Variants in ZNF333 observed in about 807,000 individuals in gnomAD.
The protein encoded by ZNF333 is zinc finger protein 333.
A neutral mutation model predicts 76.1 loss-of-function variants in ZNF333; 61 were observed. The ratio of observed to expected loss-of-function variants is 0.80; its 90% CI spans 0.65 to 0.99. ZNF333 has a LOEUF of 0.99. Ranked by LOEUF, ZNF333 falls within the 50% of genes least tolerant of loss-of-function variation. The pLI is 0.00. For synonymous variants in ZNF333, 284 were observed against 305.0 expected (o/e 0.93, Z 0.72); for missense variants, 717 against 822.4 (o/e 0.87, Z 1.57).
In ZNF333 at chr19:14,719,589, G is replaced by A. The variant is rs2042544517; in HGVS notation, c.*264G>A. The A allele has an allele frequency of 1.3e-5, 15 of 1,137,380 alleles. No individual in the cohort carries two copies. The South Asian group carries it at 3.3e-4, about 25-fold the overall frequency. The allele number at this position is 1,137,380 out of a possible 1,614,324, so 70.5% of individuals were successfully genotyped here. Reference sequence around the variant, plus strand: ...CTGAAGTGTACAGTTGGATGAGTTTGACAGATGCATACATGCATGTAACCA... The same window carrying A: ...CTGAAGTGTACAGTTGGATGAGTTTAACAGATGCATACATGCATGTAACCA... On this transcript the variant is annotated 3_prime_UTR_variant, in exon 12 of 12. Coordinates refer to ENST00000292530, the MANE Select transcript of ZNF333 (RefSeq NM_032433.4).
chr19:14,701,544 A>G (rs3850143), intron 5 of ZNF333: 520,970 of 983,030 alleles, frequency 0.53, 138,898 homozygotes, highest in East Asian at 0.76. Flanking sequence ...AGGCATCTCC[A>G]GTTCCCATCC....
At position 14,718,853 on chromosome 19, in the gene ZNF333, A is replaced by G. The variant is rs2042517336; in HGVS notation, c.1526A>G (p.Asn509Ser). 1.2e-6 allele frequency: 2 copies of G among 1,614,028 alleles called. No individual in the cohort carries two copies. The highest frequency in any genetic ancestry group is 1.3e-5 in the African/African-American group (1 of 74,914). Reference protein sequence around the residue: ...THTREKPYECNQCGKPFRTST... With the variant: ...THTREKPYECSQCGKPFRTST... ...ACCAGAGAGAAACCATATGAATGCA[A>G]CCAGTGTGGCAAGCCCTTCCGGACG... Residue 509 changes from asparagine (N) to serine (S), a missense_variant, in exon 12 of 12, where the codon AAC (asparagine) becomes AGC (serine). Coordinates refer to ENST00000292530, the MANE Select transcript of ZNF333 (RefSeq NM_032433.4).
intron 11 of ZNF333, among the ~76,000 whole-genome samples, chr19:14,728,543 A>C (rs2042648120): frequency 6.6e-6 from 1 of 152,170 alleles, no homozygotes; most frequent in South Asian, 2.1e-4. Flanking sequence ...ATCACTTATA[A>C]ATGTATTCAA....
intron 4 of ZNF333, among the ~76,000 whole-genome samples, chr19:14,698,207 C>T (rs770235386): frequency 2.0e-5 from 3 of 151,824 alleles, no homozygotes; most frequent in African/African-American, 7.3e-5. Context: ...AACCCTGTCT[C>T]TACTAAAAAT....
chr19:14,717,819 C>T, intron 11 of ZNF333, 86 bp downstream of exon 11: 1 of 1,364,234 alleles, frequency 7.3e-7, no homozygotes, highest in South Asian at 1.2e-5. Context: ...GCCCAAGAGC[C>T]AAGAGCGATT....
chr19:14,715,954 G>C (rs1172162716), intron 8 of ZNF333, among the ~76,000 whole-genome samples, 158 bp from the exon 9 acceptor site: 1 of 152,174 alleles, frequency 6.6e-6, no homozygotes, highest in East Asian at 1.9e-4. Context: ...TTCTAGTTCA[G>C]AGTCCTGAGC....
intron 1 of ZNF333, among the ~76,000 whole-genome samples, chr19:14,692,824 C>CTTTT (rs112233179): frequency 6.9e-6 from 1 of 144,076 alleles, no homozygotes. Context: ...GGACCTTATT[C>CTTTT]TTTTTTTTTT....
chr19:14,703,279 C>T (rs1599713056), intron 5 of ZNF333, among the ~76,000 whole-genome samples: 1 of 150,962 alleles, frequency 6.6e-6, no homozygotes, highest in Non-Finnish European at 1.5e-5. Context: ...ATGGGGGTAA[C>T]TGCCTCCATG....
chr19:14,728,291 G>A (rs753043643), intron 11 of ZNF333, among the ~76,000 whole-genome samples: 6 of 152,150 alleles, frequency 3.9e-5, no homozygotes, highest in Non-Finnish European at 7.4e-5. Flanking sequence ...ATAATTCTTC[G>A]AATATTTTTT....
At chr19:14,715,113 T>TG (rs1288662996) in intron 7 of ZNF333, 1 of 395,172 alleles carries the variant, frequency 2.5e-6, no homozygotes, top group African/African-American at 2.1e-5. Context: ...GTTATATATA[T>TG]GAACAGGTGC....
At chr19:14,691,978 C>G (rs1204970157) in intron 1 of ZNF333, among the ~76,000 whole-genome samples, 3 of 152,040 alleles carry the variant, frequency 2.0e-5, no homozygotes, top group Non-Finnish European at 4.4e-5. Context: ...TACCTGGCCT[C>G]ATACTGTGTT....
At chr19:14,728,911 T>G (rs981602482) in intron 11 of ZNF333, among the ~76,000 whole-genome samples, 23 of 152,130 alleles carry the variant, frequency 1.5e-4, no homozygotes, top group Admixed American at 6.5e-5. Context: ...CCTTCCCCCA[T>G]GGGCTGGGGT....
rs1214568496 is a variant in ZNF333 at position 14,718,832 on chromosome 19, G to T, written c.1505G>T (p.Arg502Ile). 2 of 1,614,054 alleles carry T rather than the reference G, an allele frequency of 1.2e-6. No individual in the cohort carries two copies. The highest frequency in any genetic ancestry group is 3.3e-5 in the Admixed American group (2 of 59,996). ...AAGACACATCTGCGAACCCATACCA[G>T]AGAGAAACCATATGAATGCAACCAG... Reference protein sequence around the residue: ...SLKTHLRTHTREKPYECNQCG... With the variant: ...SLKTHLRTHTIEKPYECNQCG... Residue 502 changes from arginine (R) to isoleucine (I), a missense_variant, in exon 12 of 12, where the codon AGA (arginine) becomes ATA (isoleucine). Transcript: ENST00000292530.
Position 14,716,139 on chromosome 19 carries a change from G to A in ZNF333, c.628G>A (p.Val210Met). The stretch of plus-strand genomic sequence containing the variant: ...ACCAGTCACCTTTGCAGATGTGGCT[G>A]TGGTGTTCACCCCAGAAGAATGGGT... The part of the protein sequence containing the change: ...QEPVTFADVA[V>M]VFTPEEWVFL... The change falls in exon 9 of 12, where the codon GTG (valine) becomes ATG (methionine). Residue 210 changes from valine (V) to methionine (M), a missense_variant. Coordinates refer to ENST00000292530, the MANE Select transcript of ZNF333 (RefSeq NM_032433.4). The A allele has an allele frequency of 6.2e-7, 1 of 1,614,194 alleles. No individual in the cohort carries two copies. Among genetic ancestry groups the A allele is most frequent in the Non-Finnish European group, 8.5e-7 (1 of 1,180,026 alleles).
chr19:14,706,311 A>G, intron 6 of ZNF333: 1 of 381,256 alleles, frequency 2.6e-6, no homozygotes, highest in Non-Finnish European at 5.2e-6. Flanking sequence ...CCTCCCAGAA[A>G]AACTCACTGA....
intron 7 of ZNF333, among the ~76,000 whole-genome samples, chr19:14,709,526 T>G (rs1303390158): frequency 6.6e-6 from 1 of 152,210 alleles, no homozygotes; most frequent in Non-Finnish European, 1.5e-5. Flanking sequence ...TGCTGCAGAC[T>G]GAATTGTGCT....
In ZNF333 at chr19:14,719,355, G is replaced by A; in HGVS notation, c.*30G>A. ...CATTTTGTAAAAATATAAACACATGGGGCTATGACTTTCCCTCGTAATACT... is the reference window on the plus strand; with the variant it reads ...CATTTTGTAAAAATATAAACACATGAGGCTATGACTTTCCCTCGTAATACT... On this transcript the variant is annotated 3_prime_UTR_variant, in exon 12 of 12. Coordinates refer to ENST00000292530, the MANE Select transcript of ZNF333 (RefSeq NM_032433.4). 1 of 1,553,466 alleles carries A rather than the reference G, an allele frequency of 6.4e-7. No homozygotes were observed. The highest frequency in any genetic ancestry group is 1.4e-5 in the African/African-American group (1 of 72,910).
At chr19:14,728,011 A>G (rs145996620) in intron 11 of ZNF333, among the ~76,000 whole-genome samples, 2 of 152,148 alleles carry the variant, frequency 1.3e-5, no homozygotes, top group Non-Finnish European at 2.9e-5. Flanking sequence ...TCACGAGGTC[A>G]GGAGATCGAG....
intron 1 of ZNF333, among the ~76,000 whole-genome samples, chr19:14,692,809 G>A (rs1444954125): frequency 6.8e-6 from 1 of 146,844 alleles, no homozygotes; most frequent in Non-Finnish European, 1.5e-5. Flanking sequence ...CACCGTGCTT[G>A]ACCTGGACCT....
Sources: gnomAD v4.1 joint callset for allele counts (sites outside exome capture counted in the v4.1 genomes callset) on GRCh38, gnomAD v4.1.1 for gene constraint, MANE v1.5 for transcripts, NCBI Gene and HGNC (gene_info 2026-07-23, HGNC 2026-07-21) for gene names.